The following IBSP variants were observed in gnomAD, a reference collection of about 807,000 sequenced individuals.
IBSP encodes integrin binding sialoprotein.
A neutral mutation model predicts 25.5 loss-of-function variants in IBSP; 19 were observed. That is an observed-to-expected ratio of 0.74 (90% CI 0.52 to 1.09). The LOEUF (loss-of-function observed/expected upper bound fraction) is 1.09. Ranked by LOEUF, IBSP falls within the 50% of genes least tolerant of loss-of-function variation. The pLI, the probability that IBSP is intolerant of heterozygous loss-of-function variation, is 0.00. For missense variants in IBSP, 360 were observed against 382.3 expected (o/e 0.94, Z 0.49); for synonymous variants, 144 against 137.6 (o/e 1.05, Z -0.33).
At chr4:87,799,807 A>C (rs1180096796) in intron 1 of IBSP, among the ~76,000 whole-genome samples, 174 bp downstream of exon 1, 1 of 152,214 alleles carries the variant, frequency 6.6e-6, no homozygotes, top group Non-Finnish European at 1.5e-5. Context: ...AAAAGGCTAA[A>C]CTTATTAACC....
intron 5 of IBSP, among the ~76,000 whole-genome samples, chr4:87,810,071 A>G (rs1722149358): frequency 6.6e-6 from 1 of 152,140 alleles, no homozygotes; most frequent in Non-Finnish European, 1.5e-5. Flanking sequence ...TAAAAATACA[A>G]AAATTAGCTG....
At chr4:87,806,355 G>C (rs1722089590) in intron 5 of IBSP, among the ~76,000 whole-genome samples, 171 bp downstream of exon 5, 1 of 152,118 alleles carries the variant, frequency 6.6e-6, no homozygotes, top group Admixed American at 6.6e-5. Context: ...CCACTAACAT[G>C]ACCTGTTTAA....
intron 5 of IBSP, among the ~76,000 whole-genome samples, chr4:87,807,546 G>A (rs1722105095): frequency 6.6e-6 from 1 of 152,114 alleles, no homozygotes. Context: ...CAAGAACTAG[G>A]CTAAGGTTAT....
intron 1 of IBSP, among the ~76,000 whole-genome samples, chr4:87,801,068 G>C (rs1464955326): frequency 6.6e-6 from 1 of 152,048 alleles, no homozygotes; most frequent in Non-Finnish European, 1.5e-5. Context: ...ATTAAGATAG[G>C]ATAGCATTTC....
At chr4:87,806,839 T>C (rs1015863948) in intron 5 of IBSP, among the ~76,000 whole-genome samples, 2 of 152,168 alleles carry the variant, frequency 1.3e-5, no homozygotes, top group East Asian at 3.9e-4. Flanking sequence ...ACCCTGTCTC[T>C]ACTAAACATA....
intron 1 of IBSP, 73 bp from the exon 2 acceptor site, chr4:87,802,275 C>T: frequency 2.3e-6 from 2 of 860,678 alleles, no homozygotes; most frequent in Non-Finnish European, 1.8e-6. Context: ...AATACTTCAT[C>T]TTTGAATATG....
At chr4:87,799,828 A>G (rs1262626648) in intron 1 of IBSP, among the ~76,000 whole-genome samples, 195 bp downstream of exon 1, 1 of 152,210 alleles carries the variant, frequency 6.6e-6, no homozygotes, top group East Asian at 1.9e-4. Flanking sequence ...TAAGCATGTA[A>G]ATAAGTTCTT....
At chr4:87,810,550 A>T in intron 5 of IBSP, 56 bp from the exon 6 acceptor site, 3 of 1,346,674 alleles carry the variant, frequency 2.2e-6, no homozygotes, top group Non-Finnish European at 3.2e-6. Flanking sequence ...GCTCCAGTAA[A>T]TCTTGAACTA....
chr4:87,806,295 T>G, intron 5 of IBSP, 111 bp downstream of exon 5: 2 of 766,702 alleles, frequency 2.6e-6, no homozygotes, highest in African/African-American at 1.8e-5. Flanking sequence ...CTTTACTAAC[T>G]GCCCATAATA....
At chr4:87,802,321 T>G (rs755907142) in intron 1 of IBSP, 27 bp from the exon 2 acceptor site, 15 of 1,427,852 alleles carry the variant, frequency 1.1e-5, no homozygotes, top group Middle Eastern at 1.8e-4. Context: ...TAATATTTTA[T>G]TAACCTTACC....
At chr4:87,800,267 A>C (rs1177823708) in intron 1 of IBSP, among the ~76,000 whole-genome samples, 1 of 152,168 alleles carries the variant, frequency 6.6e-6, no homozygotes, top group Non-Finnish European at 1.5e-5. Flanking sequence ...CAAAGTAAAT[A>C]AAATTAGATT....
At chr4:87,808,287 T>C (rs1337572977) in intron 5 of IBSP, among the ~76,000 whole-genome samples, 1 of 152,022 alleles carries the variant, frequency 6.6e-6, no homozygotes, top group Non-Finnish European at 1.5e-5. Flanking sequence ...GTTCACGCCA[T>C]TCTCCTGCCT....
Position 87,811,372 on chromosome 4 carries a change from T to A in IBSP, c.416T>A (p.Ile139Lys). 6.2e-7 allele frequency: 1 copy of A among 1,608,060 alleles called. No homozygotes were observed. The highest frequency in any genetic ancestry group is 8.5e-7 in the Non-Finnish European group (1 of 1,178,110). ...AIQLPKKAGD[I>K]TNKATKEKES... is the part of the protein sequence containing the mutation. The stretch of plus-strand genomic sequence containing the variant: ...AACGTTTCCTTACAGGCTGGGGATA[T>A]AACAAATAAAGCTACAAAAGAGAAG... Residue 139 changes from isoleucine to lysine, a missense_variant, in exon 7 of 7, where the codon ATA (isoleucine) becomes AAA (lysine). Physicochemically the swap from Ile to Lys is moderately radical, Grantham distance 102. Transcript: ENST00000226284.
chr4:87,811,709 T>G lies in IBSP; in HGVS notation c.753T>G (p.Phe251Leu). 2 of 1,614,048 alleles carry G rather than the reference T, an allele frequency of 1.2e-6. No homozygotes were observed. The highest frequency in any genetic ancestry group is 2.2e-5 in the South Asian group (2 of 91,068). Reference protein sequence around the residue: ...PQVYRTTSPPFGKTTTVEYEG... With the variant: ...PQVYRTTSPPLGKTTTVEYEG... Reference sequence around the variant, plus strand: ...TCTATAGAACCACTTCCCCACCTTTTGGGAAAACCACCACCGTTGAATACG... The same window carrying G: ...TCTATAGAACCACTTCCCCACCTTTGGGGAAAACCACCACCGTTGAATACG... The change falls in exon 7 of 7, where the codon TTT becomes TTG. Residue 251 changes from phenylalanine (F) to leucine (L), a missense_variant. Transcript: ENST00000226284.
intron 1 of IBSP, among the ~76,000 whole-genome samples, 162 bp from the exon 2 acceptor site, chr4:87,802,186 A>G (rs1478350100): frequency 5.3e-5 from 8 of 152,232 alleles, no homozygotes; most frequent in African/African-American, 1.9e-4. Context: ...CTTAAATGGA[A>G]GGAATAATTT....
intron 6 of IBSP, 61 bp downstream of exon 6, chr4:87,810,825 C>A: frequency 6.7e-7 from 1 of 1,488,300 alleles, no homozygotes. Context: ...TGGTAATGTT[C>A]AATCTTTTTT....
At position 87,806,152 on chromosome 4, in the gene IBSP, G is replaced by A. The variant is rs757768634; in HGVS notation, c.214G>A (p.Asp72Asn). 2.2e-5 allele frequency: 35 copies of A among 1,611,848 alleles called. No individual in the cohort carries two copies. In the African/African-American group the frequency reaches 4.7e-4, roughly 22 times the overall value. The change falls in exon 5 of 7, where the codon GAT (aspartate) becomes AAT (asparagine). Residue 72 changes from aspartate (D) to asparagine (N), a missense_variant. Physicochemically the swap from Asp to Asn is conservative, Grantham distance 23. Transcript: ENST00000226284. Reference protein sequence around the residue: ...GSSDSSEENGDDSSEEEEEEE... With the variant: ...GSSDSSEENGNDSSEEEEEEE... ...TAGTGACTCATCCGAAGAAAATGGA[G>A]ATGACAGTTCAGAAGAGGAGGAGGA...
chr4:87,808,705 A>T (rs1303756617), intron 5 of IBSP, among the ~76,000 whole-genome samples: 1 of 152,174 alleles, frequency 6.6e-6, no homozygotes, highest in African/African-American at 2.4e-5. Flanking sequence ...TGAATGTAGG[A>T]TCATACATGA....
rs1722188903 is a variant in IBSP at position 87,812,149 on chromosome 4, C to T, written c.*239C>T. On this transcript the variant is annotated 3_prime_UTR_variant, in exon 7 of 7. Transcript: ENST00000226284. ...CCATTTATCAAGCAGTACACCAACTCATAAGATCAAATTTCATTGAATGGT... is the reference window on the plus strand; with the variant it reads ...CCATTTATCAAGCAGTACACCAACTTATAAGATCAAATTTCATTGAATGGT... 1 of 396,634 alleles carries T rather than the reference C, an allele frequency of 2.5e-6. No individual in the cohort carries two copies. The allele number at this position is 396,634 out of a possible 1,614,324, so 24.6% of individuals were successfully genotyped here. A position where few individuals can be genotyped will look rare whatever the true frequency, so the allele number is the denominator to read the frequency against.
Sources: gnomAD v4.1 joint callset for allele counts (sites outside exome capture counted in the v4.1 genomes callset) on GRCh38, gnomAD v4.1.1 for gene constraint, MANE v1.5 for transcripts, NCBI Gene and HGNC (gene_info 2026-07-23, HGNC 2026-07-21) for gene names.